Variants in PCDHGA6 observed in about 807,000 individuals in gnomAD.
The protein encoded by PCDHGA6 is protocadherin gamma-A6.
Under a neutral mutation model 60.6 loss-of-function variants are expected in PCDHGA6, and 41 were observed. The ratio of observed to expected loss-of-function variants is 0.68; its 90% CI spans 0.53 to 0.88. The LOEUF is 0.88. Ranked by LOEUF, PCDHGA6 falls within the 40% of genes least tolerant of loss-of-function variation. The pLI is 0.00. For synonymous variants in PCDHGA6, 594 were observed against 524.4 expected (o/e 1.13, Z -1.81); for missense variants, 1,312 against 1,203.0 (o/e 1.09, Z -1.34).
In PCDHGA6 at chr5:141,454,796, ATTTTT is replaced by A. The variant is rs61612330; in HGVS notation, c.2425-39986_2425-39982del. Among the ~76,000 whole-genome samples the A allele has an allele frequency of 4.9e-3, 378 of 77,354 alleles. 2 individuals carry two copies. Among genetic ancestry groups the A allele is most frequent in the Admixed American group, 9.2e-3 (51 of 5,544 alleles). 50.7% of individuals were successfully genotyped at this position (77,354 alleles called of 152,430 possible). On this transcript the variant is annotated intron_variant, in intron 1 of 3. Coordinates refer to ENST00000517434, the MANE Select transcript of PCDHGA6 (RefSeq NM_018919.3). ...AAGGAAATAATCCTCCATGGTTCTA[ATTTTT>A]TTTTTTTTTTTTTTTTTTTTTTTTG...
chr5:141,482,591 A>G lies in PCDHGA6; in HGVS notation c.2425-12216A>G, dbSNP rs115650612. Among the ~76,000 whole-genome samples the G allele has an allele frequency of 6.3e-4, 95 of 151,838 alleles. 1 individual carries two copies. The highest frequency in any genetic ancestry group is 2.3e-3 in the African/African-American group (95 of 41,350). On this transcript the variant is annotated intron_variant, in intron 1 of 3. Coordinates refer to ENST00000517434, the MANE Select transcript of PCDHGA6 (RefSeq NM_018919.3). ...ATAGCATAAGATGCAGTGGGACCAA[A>G]CGGGAAAAAACACCTAAATGAGCCT...
intron 1 of PCDHGA6, among the ~76,000 whole-genome samples, chr5:141,464,440 T>C (rs566597587): frequency 6.6e-6 from 1 of 151,608 alleles, no homozygotes; most frequent in South Asian, 2.1e-4. Context: ...TATATGTTTG[T>C]TGTTGTTGTT....
intron 1 of PCDHGA6, among the ~76,000 whole-genome samples, chr5:141,464,504 T>A (rs1264652523): frequency 6.6e-6 from 1 of 152,046 alleles, no homozygotes; most frequent in Non-Finnish European, 1.5e-5. Context: ...GATTGCTGCA[T>A]CATAAGGTAA....
chr5:141,393,408 G>T (rs2092753153), intron 1 of PCDHGA6: 1 of 1,614,022 alleles, frequency 6.2e-7, no homozygotes, highest in East Asian at 2.2e-5. Context: ...GCTGGAGCGC[G>T]CCCTGGACAG....
At position 141,383,756 on chromosome 5, in the gene PCDHGA6, C is replaced by T. The variant is rs62620755; in HGVS notation, c.2424+7249C>T. 6.8e-6 allele frequency: 11 copies of T among 1,613,838 alleles called. No homozygotes were observed. Among genetic ancestry groups the T allele is most frequent in the East Asian group, 2.2e-5 (1 of 44,890 alleles). ...ACATATTCTTTTCGGAAAATAACTC[C>T]TAAACTTCCAAAGATGTTTCATCTG... On this transcript the variant is annotated intron_variant, in intron 1 of 3. Coordinates refer to ENST00000517434, the MANE Select transcript of PCDHGA6 (RefSeq NM_018919.3).
chr5:141,510,510 G>A (rs1042950478), intron 3 of PCDHGA6, among the ~76,000 whole-genome samples: 5 of 152,132 alleles, frequency 3.3e-5, no homozygotes, highest in Non-Finnish European at 5.9e-5. Context: ...CTGAGAGCCC[G>A]TGTCACAGCC....
rs931155259 is a variant in PCDHGA6, at chr5:141,374,638, A to C, written c.555A>C (p.Glu185Asp). ...NSHFSVDVQS[E>D]AHGPKYPELV... ...ACTTCTCAGTGGACGTGCAAAGCGA[A>C]GCCCATGGGCCCAAGTACCCGGAGC... The change falls in exon 1 of 4, where the codon GAA (glutamate) becomes GAC (aspartate). Residue 185 changes from glutamate to aspartate, a missense_variant. Physicochemically the swap from Glu to Asp is conservative, Grantham distance 45. Transcript: ENST00000517434. 7 of 1,612,946 alleles carry C rather than the reference A, an allele frequency of 4.3e-6. No individual in the cohort carries two copies. The highest frequency in any genetic ancestry group is 1.7e-5 in the Admixed American group (1 of 59,890).
At chr5:141,453,495 C>T (rs1490576605) in intron 1 of PCDHGA6, among the ~76,000 whole-genome samples, 1 of 151,968 alleles carries the variant, frequency 6.6e-6, no homozygotes, top group Admixed American at 6.6e-5. Flanking sequence ...AAAAGGTGTA[C>T]TCAGAAAATT....
rs918375556 is a variant in PCDHGA6, at chr5:141,489,318, G to C, written c.2425-5489G>C. 6.3e-7 allele frequency: 1 copy of C among 1,598,974 alleles called. No individual in the cohort carries two copies. Among genetic ancestry groups the C allele is most frequent in the African/African-American group, 1.3e-5 (1 of 74,510 alleles). On this transcript the variant is annotated intron_variant, in intron 1 of 3. Coordinates refer to ENST00000517434, the MANE Select transcript of PCDHGA6 (RefSeq NM_018919.3). The surrounding 1 kb of genome is among the most constrained non-coding windows in gnomAD (Gnocchi z 4.5). ...TGTTGTCCTTGTGCTGCTGGGGCTG[G>C]GTGTCTGGGCAGCTTCGTTACTCAG...
chr5:141,444,363 G>A (rs1292799006), intron 1 of PCDHGA6, among the ~76,000 whole-genome samples: 1 of 151,772 alleles, frequency 6.6e-6, no homozygotes, highest in Non-Finnish European at 1.5e-5. Context: ...TAGAGACGGG[G>A]TTTCTCCATG....
chr5:141,395,034 G>C, intron 1 of PCDHGA6: 1 of 1,614,150 alleles, frequency 6.2e-7, no homozygotes, highest in South Asian at 1.1e-5. Flanking sequence ...CTCACATTTT[G>C]TGGGTGTTGA....
At chr5:141,390,029 C>A in intron 1 of PCDHGA6, 1 of 1,614,086 alleles carries the variant, frequency 6.2e-7, no homozygotes, top group Non-Finnish European at 8.5e-7. Flanking sequence ...GCCTGCGACG[C>A]TCCTCCAGCC....
rs1263728099 is a variant in PCDHGA6, at chr5:141,476,079, G to T, written c.2425-18728G>T. Reference sequence around the variant, plus strand: ...AGTTTCTCAGCGAAATCTCAGGGACGATCTGGACCCCGCTGAGAGGAACTG... The same window carrying T: ...AGTTTCTCAGCGAAATCTCAGGGACTATCTGGACCCCGCTGAGAGGAACTG... On this transcript the variant is annotated intron_variant, in intron 1 of 3. Coordinates refer to ENST00000517434, the MANE Select transcript of PCDHGA6 (RefSeq NM_018919.3). This position sits in a 1 kb window ranked among gnomAD's most constrained non-coding sequence, Gnocchi z 7.6. 3 of 1,537,560 alleles carry T rather than the reference G, an allele frequency of 2.0e-6. No homozygotes were observed. Among genetic ancestry groups the T allele is most frequent in the African/African-American group, 1.4e-5 (1 of 72,808 alleles).
In PCDHGA6 at chr5:141,485,178, T is replaced by A; in HGVS notation, c.2425-9629T>A. The stretch of plus-strand genomic sequence containing the variant: ...GAGAATTAGCGGGCGGCAGCAATGC[T>A]CCGCAAGGTGAGAAGCTGGACAGAA... On this transcript the variant is annotated intron_variant, in intron 1 of 3. Transcript: ENST00000517434. This position sits in a 1 kb window ranked among gnomAD's most constrained non-coding sequence, Gnocchi z 5.7. 1.2e-6 allele frequency: 2 copies of A among 1,612,400 alleles called. No homozygotes were observed. Among genetic ancestry groups the A allele is most frequent in the Non-Finnish European group, 1.7e-6 (2 of 1,178,628 alleles).
chr5:141,487,069 T>C lies in PCDHGA6; in HGVS notation c.2425-7738T>C, dbSNP rs750739955. 26 of 1,614,160 alleles carry C rather than the reference T, an allele frequency of 1.6e-5. No homozygotes were observed. Among genetic ancestry groups the C allele is most frequent in the Non-Finnish European group, 2.0e-5 (24 of 1,180,002 alleles). On this transcript the variant is annotated intron_variant, in intron 1 of 3. Transcript: ENST00000517434. This position sits in a 1 kb window ranked among gnomAD's most constrained non-coding sequence, Gnocchi z 5.0. The stretch of plus-strand genomic sequence containing the variant: ...ATGCTGGGGAGGTGCGGACGGCTGT[T>C]CCTATCCCAGCTGACCTCCCACCAC...
At chr5:141,430,628 C>A in intron 1 of PCDHGA6, 2 of 798,952 alleles carry the variant, frequency 2.5e-6, no homozygotes, top group Non-Finnish European at 3.7e-6. Context: ...TAGGAATGAA[C>A]CATCCCTGGG....
chr5:141,495,122 C>T (rs1365586518), intron 2 of PCDHGA6, among the ~76,000 whole-genome samples: 2 of 152,282 alleles, frequency 1.3e-5, no homozygotes, highest in East Asian at 3.9e-4. Flanking sequence ...TTCCTATCCC[C>T]TGAGGGCACT....
chr5:141,505,494 A>G lies in PCDHGA6; in HGVS notation c.2572+13A>G. ...GCGTCCGCCAGTGGTAAGTGGTGTC[A>G]GTGTGTGTATGGAAGAGTGGGAGAC... is the stretch of plus-strand genomic sequence containing the variant. On this transcript the variant is annotated intron_variant, in intron 3 of 3. Transcript: ENST00000517434. The G allele has an allele frequency of 6.8e-6, 11 of 1,614,198 alleles. No homozygotes were observed. Among genetic ancestry groups the G allele is most frequent in the Non-Finnish European group, 9.3e-6 (11 of 1,180,006 alleles).
intron 1 of PCDHGA6, chr5:141,388,934 A>G (rs1225337103): frequency 1.9e-6 from 3 of 1,613,896 alleles, no homozygotes; most frequent in Non-Finnish European, 2.5e-6. Context: ...TCCAGTCTCT[A>G]CCCAACCTAA....
Sources: gnomAD v4.1 joint callset for allele counts (sites outside exome capture counted in the v4.1 genomes callset) on GRCh38, gnomAD v4.1.1 for gene constraint, Gnocchi (gnomAD v3.1) non-coding constraint, MANE v1.5 for transcripts, NCBI Gene and HGNC (gene_info 2026-07-23, HGNC 2026-07-21) for gene names.